FHIP2A: variants seen among roughly 807,000 people sequenced by gnomAD.
The protein encoded by FHIP2A is family with sequence similarity 160 member B1.
Under a neutral mutation model 93.5 loss-of-function variants are expected in FHIP2A, and 46 were observed. The observed-to-expected ratio is 0.49, with a 90% CI of 0.39 to 0.63. FHIP2A has a LOEUF of 0.63. Among genes scored for constraint, FHIP2A ranks in the 20% least tolerant of loss-of-function variants. FHIP2A has a pLI of 0.00. For missense variants in FHIP2A, 769 were observed against 909.7 expected, an observed-to-expected ratio of 0.85 and a Z score of 1.99; for synonymous variants, 332 against 326.5, an observed-to-expected ratio of 1.02 and a Z score of -0.18.
In FHIP2A at chr10:114,899,751, A is replaced by G. The variant is rs1456421464; in HGVS notation, c.*237A>G. The G allele has an allele frequency of 7.3e-5, 33 of 454,216 alleles. No individual in the cohort carries two copies. In the East Asian group the frequency reaches 9.4e-4, roughly 13 times the overall value. 28.1% of individuals were successfully genotyped at this position (454,216 alleles called of 1,614,324 possible). The stretch of plus-strand genomic sequence containing the variant: ...TTTCCCCAAAGAAAATCAGGGGGCT[A>G]TTACTGGGAAAAAGAATTCCACCAC... On this transcript the variant is annotated 3_prime_UTR_variant, in exon 17 of 17. Transcript: ENST00000369250.
intron 16 of FHIP2A, among the ~76,000 whole-genome samples, chr10:114,872,614 A>G (rs1592029954): frequency 6.6e-6 from 1 of 152,234 alleles, no homozygotes; most frequent in East Asian, 1.9e-4. Flanking sequence ...CATAATTACT[A>G]CTGCCATTAG....
intron 13 of FHIP2A, among the ~76,000 whole-genome samples, chr10:114,850,151 A>C (rs940309603): frequency 3.3e-5 from 5 of 152,052 alleles, no homozygotes; most frequent in African/African-American, 9.7e-5. Flanking sequence ...TCACGTGGTA[A>C]TTCTATATTT....
intron 16 of FHIP2A, 33 bp from the exon 17 acceptor site, chr10:114,861,402 G>T (rs1473753617): frequency 9.3e-6 from 15 of 1,613,788 alleles, no homozygotes; most frequent in Non-Finnish European, 1.3e-5. Context: ...CTGCTATCTT[G>T]AATTGATTTA....
chr10:114,843,818 C>G lies in FHIP2A; in HGVS notation c.894C>G (p.Cys298Trp). The G allele has an allele frequency of 6.2e-7, 1 of 1,610,430 alleles. No homozygotes were observed. The highest frequency in any genetic ancestry group is 8.5e-7 in the Non-Finnish European group (1 of 1,179,100). ...VSLPEPAAAKCLTQSTCLCEL... is the reference protein window; with the variant it reads ...VSLPEPAAAKWLTQSTCLCEL... ...TGCCAGAGCCTGCGGCTGCAAAGTG[C>G]CTTACACAGAGCACTTGCTTGTGTG... Residue 298 changes from cysteine (C) to tryptophan (W), a missense_variant, in exon 7 of 17, where the codon TGC becomes TGG. Transcript: ENST00000369248.
chr10:114,854,473 CAA>C (rs912505678), intron 13 of FHIP2A, among the ~76,000 whole-genome samples: 21 of 148,794 alleles, frequency 1.4e-4, no homozygotes, highest in African/African-American at 5.0e-4. Context: ...TCCTGGGCAA[CAA>C]GAGCAAAACT....
intron 16 of FHIP2A, among the ~76,000 whole-genome samples, chr10:114,878,578 A>G (rs1216204461): frequency 6.6e-6 from 1 of 152,194 alleles, no homozygotes; most frequent in Non-Finnish European, 1.5e-5. Flanking sequence ...CAGGAGTTCA[A>G]GACCAGCCTG....
intron 7 of FHIP2A, among the ~76,000 whole-genome samples, chr10:114,844,421 T>C (rs199840625): frequency 2.6e-5 from 4 of 152,216 alleles, no homozygotes; most frequent in South Asian, 2.1e-4. Flanking sequence ...TTAAAAAGTA[T>C]AAAGCAGCAT....
Position 114,862,168 on chromosome 10 carries a change from T to C in FHIP2A, c.*628T>C. 5.4e-6 allele frequency: 5 copies of C among 926,338 alleles called. No individual in the cohort carries two copies. Among genetic ancestry groups the C allele is most frequent in the Non-Finnish European group, 6.4e-6 (5 of 775,816 alleles). The allele number at this position is 926,338 out of a possible 1,614,324, so 57.4% of individuals were successfully genotyped here. On this transcript the variant is annotated 3_prime_UTR_variant, in exon 17 of 17. Coordinates refer to ENST00000369248, the MANE Select transcript of FHIP2A (RefSeq NM_020940.4). ...ATTCTTGATTAATATAATATATCTA[T>C]ATTTTTAAAGAAATGTTCTTTTACT...
chr10:114,822,365 C>A (rs1189652308), intron 1 of FHIP2A, among the ~76,000 whole-genome samples: 1 of 151,880 alleles, frequency 6.6e-6, no homozygotes, highest in African/African-American at 2.4e-5. Flanking sequence ...CAGTCCCTGC[C>A]CTCCTCCAGG....
intron 5 of FHIP2A, among the ~76,000 whole-genome samples, chr10:114,839,130 T>C (rs1185547106): frequency 1.3e-5 from 2 of 152,114 alleles, no homozygotes; most frequent in African/African-American, 4.8e-5. Flanking sequence ...GTTTTGTTTT[T>C]GTTTTTCCTT....
chr10:114,859,658 C>G (rs965971186), intron 14 of FHIP2A, among the ~76,000 whole-genome samples: 1 of 152,182 alleles, frequency 6.6e-6, no homozygotes, highest in African/African-American at 2.4e-5. Context: ...AGTAGCAACT[C>G]CTTGTGTAGT....
chr10:114,893,174 G>A (rs1319764298), intron 16 of FHIP2A, among the ~76,000 whole-genome samples: 1 of 152,084 alleles, frequency 6.6e-6, no homozygotes, highest in Non-Finnish European at 1.5e-5. Flanking sequence ...CATAGTCTCT[G>A]GAGCATTATT....
At chr10:114,885,622 G>C (rs1425360120) in intron 16 of FHIP2A, among the ~76,000 whole-genome samples, 1 of 152,158 alleles carries the variant, frequency 6.6e-6, no homozygotes, top group East Asian at 1.9e-4. Context: ...CTGCAATCCT[G>C]TCTCAGCTGT....
At chr10:114,886,265 C>A (rs1255042405) in intron 16 of FHIP2A, among the ~76,000 whole-genome samples, 1 of 152,110 alleles carries the variant, frequency 6.6e-6, no homozygotes, top group Non-Finnish European at 1.5e-5. Flanking sequence ...AAGTAACTCG[C>A]CAAAGGCCAC....
At chr10:114,899,353 A>AAAT in intron 16 of FHIP2A, 1 of 575,936 alleles carries the variant, frequency 1.7e-6, no homozygotes, top group East Asian at 2.9e-5. Flanking sequence ...TGTAAGCACA[A>AAAT]AATAATATGT....
intron 16 of FHIP2A, among the ~76,000 whole-genome samples, chr10:114,883,780 A>C (rs1050384797): frequency 2.0e-5 from 3 of 152,002 alleles, no homozygotes; most frequent in African/African-American, 7.3e-5. Context: ...GGGTTTCTTC[A>C]TGTTGGTCAG....
In FHIP2A at chr10:114,861,915, C is replaced by G. The variant is rs1240938486; in HGVS notation, c.*375C>G. ...AGGTAGCAAGGCATTTTGACATTCTCTGGGACTCAAATGCTTGTATTCTTT... is the reference window on the plus strand; with the variant it reads ...AGGTAGCAAGGCATTTTGACATTCTGTGGGACTCAAATGCTTGTATTCTTT... On this transcript the variant is annotated 3_prime_UTR_variant, in exon 17 of 17. Transcript: ENST00000369248. 2 of 988,234 alleles carry G rather than the reference C, an allele frequency of 2.0e-6. No homozygotes were observed. The highest frequency in any genetic ancestry group is 2.4e-6 in the Non-Finnish European group (2 of 831,768). The allele number at this position is 988,234 out of a possible 1,614,324, so 61.2% of individuals were successfully genotyped here. A position where few individuals can be genotyped will look rare whatever the true frequency, so the allele number is the denominator to read the frequency against.
chr10:114,833,750 G>A (rs1411572603), intron 3 of FHIP2A, among the ~76,000 whole-genome samples: 1 of 152,216 alleles, frequency 6.6e-6, no homozygotes, highest in African/African-American at 2.4e-5. Flanking sequence ...AGTCCTGGAA[G>A]AGAATGTCAC....
At chr10:114,888,671 T>C (rs370905719) in intron 16 of FHIP2A, among the ~76,000 whole-genome samples, 1 of 152,144 alleles carries the variant, frequency 6.6e-6, no homozygotes, top group African/African-American at 2.4e-5. Flanking sequence ...GGTGCGATCT[T>C]AGCTCACTGC....
Sources: allele counts gnomAD v4.1 joint callset (sites outside exome capture counted in the v4.1 genomes callset), GRCh38; gene constraint gnomAD v4.1.1; transcripts MANE v1.5; gene names NCBI Gene and HGNC (gene_info 2026-07-23, HGNC 2026-07-21).